RPS29: variants seen among roughly 807,000 people sequenced by gnomAD.
RPS29 encodes small ribosomal subunit protein uS14.
For missense variants in RPS29, 60 were observed against 75.7 expected (o/e 0.79, Z 0.77); for synonymous variants, 37 against 26.9 (o/e 1.37, Z -1.16).
upstream of RPS29, chr14:49,586,618 C>A (rs963436527): frequency 2.7e-5 from 13 of 477,252 alleles, no homozygotes; most frequent in Non-Finnish European, 5.0e-5. Context: ...CCCAGCTACT[C>A]GGGAGGCTGA....
intron 1 of RPS29, chr14:49,597,445 G>A (rs1441012268): frequency 1.3e-5 from 2 of 152,116 alleles, no homozygotes; most frequent in Non-Finnish European, 2.9e-5. Flanking sequence ...TCCATTTAAT[G>A]TACTTGTAAT....
chr14:49,591,301 GTTTGTTT>G (rs1881704760), upstream of RPS29, among the ~76,000 whole-genome samples: 1 of 151,680 alleles, frequency 6.6e-6, no homozygotes, highest in African/African-American at 2.4e-5. Context: ...TTGTTTGTTT[GTTTGTTT>G]GTTTGTTTGT....
At chr14:49,584,025 G>C (rs1180747994) in intron 2 of RPS29, among the ~76,000 whole-genome samples, 1 of 151,950 alleles carries the variant, frequency 6.6e-6, no homozygotes, top group Non-Finnish European at 1.5e-5. Context: ...GCTGTCTCCC[G>C]GACTGGAGTG....
chr14:49,591,501 G>GGAGTT (rs1165174991), intron 1 of RPS29, among the ~76,000 whole-genome samples: 3 of 151,664 alleles, frequency 2.0e-5, no homozygotes, highest in Admixed American at 6.6e-5. Context: ...TAGTAGACAC[G>GGAGTT]GAGTTTCACC....
intron 2 of RPS29, among the ~76,000 whole-genome samples, chr14:49,578,173 T>G (rs949924953): frequency 6.6e-6 from 1 of 152,008 alleles, no homozygotes; most frequent in Non-Finnish European, 1.5e-5. Context: ...TTAATATCAA[T>G]GAGTAGCAGT....
upstream of RPS29, chr14:49,586,788 G>T (rs374776841): frequency 4.4e-6 from 1 of 224,804 alleles, no homozygotes; most frequent in Non-Finnish European, 9.3e-6. Flanking sequence ...AAACGGAGCA[G>T]GTCAAAACTC....
At chr14:49,590,425 G>T (rs1212234381), upstream of RPS29, among the ~76,000 whole-genome samples, 1 of 151,892 alleles carries the variant, frequency 6.6e-6, no homozygotes, top group African/African-American at 2.4e-5. Context: ...GCAGTGAGCC[G>T]AGATTGCGCC....
chr14:49,581,970 C>T (rs975750054), downstream of RPS29, among the ~76,000 whole-genome samples: 6 of 142,392 alleles, frequency 4.2e-5, no homozygotes, highest in Admixed American at 1.5e-4. Context: ...TGCAGTGCGC[C>T]ACTGCACTCC....
At chr14:49,586,565 C>G, upstream of RPS29, 1 of 566,278 alleles carries the variant, frequency 1.8e-6, no homozygotes. Flanking sequence ...TGCTATTCTG[C>G]GCCGGTATCC....
chr14:49,572,837 G>C (rs1881086978), exon 3 of RPS29: 1 of 152,138 alleles, frequency 6.6e-6, no homozygotes, highest in African/African-American at 2.4e-5. Context: ...GGGAGGCCAA[G>C]GCAGGTGGAT....
exon 3 of RPS29, chr14:49,575,901 T>C (rs1881166591): frequency 6.6e-6 from 1 of 152,182 alleles, no homozygotes; most frequent in African/African-American, 2.4e-5. Flanking sequence ...TTCAAGACAT[T>C]AAATGATAAT....
At chr14:49,594,296 T>A (rs1191418074) in intron 1 of RPS29, among the ~76,000 whole-genome samples, 21 of 151,978 alleles carry the variant, frequency 1.4e-4, no homozygotes, top group Admixed American at 1.4e-3. Flanking sequence ...TTTTCAAAGG[T>A]TTTCCAGAAC....
chr14:49,577,437 T>C, exon 3 of RPS29: 1 of 378,224 alleles, frequency 2.6e-6, no homozygotes, highest in Non-Finnish European at 5.0e-6. Context: ...CATTGGTGAC[T>C]CTGATGACCA....
At chr14:49,595,673 A>C (rs1881805323) in intron 1 of RPS29, among the ~76,000 whole-genome samples, 1 of 152,138 alleles carries the variant, frequency 6.6e-6, no homozygotes, top group Non-Finnish European at 1.5e-5. Flanking sequence ...ATAATGAGCT[A>C]CAAAGTGAGC....
At chr14:49,577,919 T>C (rs1881231184) in intron 2 of RPS29, 5 of 1,149,470 alleles carry the variant, frequency 4.3e-6, no homozygotes, top group Admixed American at 4.0e-5. Flanking sequence ...ATTCAATAAA[T>C]TTGTACTGCA....
chr14:49,578,098 T>A (rs945194264), intron 2 of RPS29, among the ~76,000 whole-genome samples: 1 of 151,890 alleles, frequency 6.6e-6, no homozygotes, highest in African/African-American at 2.4e-5. Context: ...AGAGCCTTCA[T>A]GCCTAAATAT....
intron 1 of RPS29, 80 bp downstream of exon 1, chr14:49,586,205 C>G: frequency 2.7e-6 from 4 of 1,480,702 alleles, no homozygotes; most frequent in East Asian, 2.3e-5. Context: ...TCGTGCCGCC[C>G]GTGGCCTCCT....
chr14:49,576,328 C>G (rs1881179665), exon 3 of RPS29: 1 of 152,084 alleles, frequency 6.6e-6, no homozygotes, highest in East Asian at 1.9e-4. Flanking sequence ...GTCTGGAACT[C>G]CTGGCATCAA....
chr14:49,577,856 GTAATGGTAAAA>G, intron 2 of RPS29: 1 of 1,584,508 alleles, frequency 6.3e-7, no homozygotes, highest in Non-Finnish European at 8.6e-7. Flanking sequence ...AGGTCTTTCT[GTAATGGTAAAA>G]GAGGACCCAT....
Sources: gnomAD v4.1 joint callset for allele counts (sites outside exome capture counted in the v4.1 genomes callset) on GRCh38, gnomAD v4.1.1 for gene constraint, MANE v1.5 for transcripts, NCBI Gene and HGNC (gene_info 2026-07-23, HGNC 2026-07-21) for gene names.